Variants in ADGRV1 observed in about 807,000 individuals in gnomAD.
The protein encoded by ADGRV1 is G-protein coupled receptor 98.
A neutral mutation model predicts 596.2 loss-of-function variants in ADGRV1; 359 were observed. The observed-to-expected ratio is 0.60, with a 90% CI of 0.55 to 0.66. The LOEUF (loss-of-function observed/expected upper bound fraction) is 0.66, where lower values mean the gene tolerates loss of function less well. ADGRV1 is among the 30% of genes least tolerant of loss of function. ADGRV1 has a pLI of 0.00. For synonymous variants in ADGRV1, 2,681 were observed against 2,679.2 expected (o/e 1.00, Z -0.02); for missense variants, 7,274 against 7,575.6 (o/e 0.96, Z 1.48).
intron 86 of ADGRV1, among the ~76,000 whole-genome samples, chr5:91,095,722 T>G (rs982124566): frequency 2.6e-5 from 4 of 152,202 alleles, no homozygotes; most frequent in Admixed American, 2.6e-4. Context: ...TGTTTCAATC[T>G]ATCTTTCTAA....
At chr5:91,102,379 T>C (rs753406916) in intron 87 of ADGRV1, 39 bp downstream of exon 87, 1 of 1,530,580 alleles carries the variant, frequency 6.5e-7, no homozygotes, top group South Asian at 1.3e-5. Flanking sequence ...CATACATTTA[T>C]CTTAATGAAC....
chr5:90,961,672 A>G (rs940587349), intron 83 of ADGRV1, among the ~76,000 whole-genome samples: 7 of 152,116 alleles, frequency 4.6e-5, no homozygotes, highest in Non-Finnish European at 7.4e-5. Flanking sequence ...GCAAGCGGGG[A>G]CACATGCTGT....
rs949197799 is a variant in ADGRV1, at chr5:90,733,482, C to T, written c.10549+3718C>T. Reference sequence around the variant, plus strand: ...TGTACAAAGTAAATGATATTGATTGCGAAGACTAGAAGATTTAGCACAAAT... The same window carrying T: ...TGTACAAAGTAAATGATATTGATTGTGAAGACTAGAAGATTTAGCACAAAT... On this transcript the variant is annotated intron_variant, in intron 50 of 89. Coordinates refer to ENST00000405460, the MANE Select transcript of ADGRV1 (RefSeq NM_032119.4). Among the ~76,000 whole-genome samples the T allele has an allele frequency of 5.9e-5, 9 of 152,112 alleles. No individual in the cohort carries two copies. The South Asian group carries it at 6.2e-4, about 11-fold the overall frequency.
At chr5:90,863,349 A>G (rs1767785571) in intron 82 of ADGRV1, among the ~76,000 whole-genome samples, 1 of 152,246 alleles carries the variant, frequency 6.6e-6, no homozygotes, top group African/African-American at 2.4e-5. Flanking sequence ...AGTTTAAGTT[A>G]AAAGTCATTG....
rs375664526 is a variant in ADGRV1, at chr5:90,633,024, T to C, written c.1840-2090T>C. On this transcript the variant is annotated intron_variant, in intron 9 of 89. Coordinates refer to ENST00000405460, the MANE Select transcript of ADGRV1 (RefSeq NM_032119.4). ...TGAAACTAAAGAAAGCAGAATTCTT[T>C]AGTCGCTCCTCATTCTTTAGTAACC... 5.3e-5 allele frequency among the ~76,000 whole-genome samples: 8 copies of C among 152,324 alleles called. No homozygotes were observed. In the South Asian group the frequency reaches 1.7e-3, roughly 32 times the overall value.
Position 90,985,322 on chromosome 5 carries a change from T to A in ADGRV1, c.17974-22T>A, listed in dbSNP as rs746109871. ...TGCCATTAAAGAAGAGCCTGTTCAT[T>A]TTATGTTGTTTTCTTCCTTAGTCTG... On this transcript the variant is annotated intron_variant, in intron 84 of 89. Coordinates refer to ENST00000405460, the MANE Select transcript of ADGRV1 (RefSeq NM_032119.4). 5.8e-6 allele frequency: 9 copies of A among 1,563,938 alleles called. No individual in the cohort carries two copies. In the South Asian group the frequency reaches 1.1e-4, roughly 19 times the overall value.
intron 87 of ADGRV1, among the ~76,000 whole-genome samples, chr5:91,120,286 A>G: frequency 6.6e-6 from 1 of 152,116 alleles, no homozygotes. Context: ...AGATCTTCTG[A>G]TTTTTCTAGA....
At chr5:91,048,052 AGCCTCTTTTTCCCT>A (rs1785982936) in intron 85 of ADGRV1, among the ~76,000 whole-genome samples, 1 of 152,014 alleles carries the variant, frequency 6.6e-6, no homozygotes, top group Non-Finnish European at 1.5e-5. Context: ...GCGTGTGGTT[AGCCTCTTTTTCCCT>A]GCCTCTTTAC....
chr5:91,154,362 T>C (rs1178896873), intron 89 of ADGRV1, among the ~76,000 whole-genome samples: 3 of 152,260 alleles, frequency 2.0e-5, no homozygotes, highest in Non-Finnish European at 4.4e-5. Context: ...ATTGCTTTGC[T>C]AAAACATTTT....
At chr5:90,737,069 T>G (rs1252490196) in intron 50 of ADGRV1, among the ~76,000 whole-genome samples, 1 of 151,990 alleles carries the variant, frequency 6.6e-6, no homozygotes, top group East Asian at 1.9e-4. Context: ...ATTTTATTTC[T>G]TTTTCAATAC....
At chr5:90,642,551 G>T in intron 11 of ADGRV1, 85 bp from the exon 12 acceptor site, 1 of 1,399,906 alleles carries the variant, frequency 7.1e-7, no homozygotes, top group East Asian at 2.3e-5. Flanking sequence ...ATCTGGAAGA[G>T]TTGTAAATAT....
At chr5:90,668,494 A>G (rs920209697) in intron 21 of ADGRV1, among the ~76,000 whole-genome samples, 4 of 151,998 alleles carry the variant, frequency 2.6e-5, no homozygotes, top group African/African-American at 9.7e-5. Flanking sequence ...GCACCCACTG[A>G]CCTGCGCCCA....
chr5:90,848,112 A>T (rs1456312867), intron 78 of ADGRV1, among the ~76,000 whole-genome samples: 1 of 152,144 alleles, frequency 6.6e-6, no homozygotes, highest in Non-Finnish European at 1.5e-5. Context: ...GAAGGGTCAT[A>T]CTTACTGAAA....
intron 24 of ADGRV1, 61 bp downstream of exon 24, chr5:90,675,506 C>G (rs1773106213): frequency 7.1e-7 from 1 of 1,414,814 alleles, no homozygotes. Flanking sequence ...TAATCCTTCT[C>G]TGGAAGGGAT....
chr5:90,865,790 A>G (rs965090543), intron 83 of ADGRV1, among the ~76,000 whole-genome samples: 4 of 152,110 alleles, frequency 2.6e-5, no homozygotes, highest in African/African-American at 9.7e-5. Flanking sequence ...AAAAATTCTT[A>G]GACCCCCCAA....
At chr5:90,560,092 A>C (rs1754614678) in intron 1 of ADGRV1, among the ~76,000 whole-genome samples, 1 of 152,194 alleles carries the variant, frequency 6.6e-6, no homozygotes, top group Non-Finnish European at 1.5e-5. Context: ...ATATGTGATT[A>C]GGTATAATTT....
intron 83 of ADGRV1, among the ~76,000 whole-genome samples, chr5:90,875,800 A>C (rs557076809): frequency 6.6e-6 from 1 of 152,326 alleles, no homozygotes; most frequent in Non-Finnish European, 1.5e-5. Context: ...AAGTTTTCCT[A>C]AGTAATGTCT....
intron 49 of ADGRV1, 82 bp downstream of exon 49, chr5:90,729,015 C>A: frequency 3.1e-6 from 3 of 977,968 alleles, no homozygotes; most frequent in Non-Finnish European, 4.4e-6. Context: ...TATGAAAATG[C>A]TCTTGCAATA....
In ADGRV1 at chr5:90,815,641, C is replaced by T. The variant is rs1762822320; in HGVS notation, c.16101C>T (p.Ile5367=). 3.8e-6 allele frequency: 6 copies of T among 1,570,260 alleles called. No homozygotes were observed. The highest frequency in any genetic ancestry group is 1.4e-5 in the African/African-American group (1 of 73,966). ...CAGGGAGTGACCTTCACAATGGCAT[C>T]ATAGGATTCAGTGAGGAGTCCCAGA... The part of the protein sequence containing the change: ...IITGSDLHNG[I]IGFSEESQSG... The change falls in exon 75 of 90, where the codon ATC becomes ATT. Residue 5367 remains isoleucine (I), a synonymous_variant. Coordinates refer to ENST00000405460, the MANE Select transcript of ADGRV1 (RefSeq NM_032119.4).
Sources: gnomAD v4.1 joint callset for allele counts (sites outside exome capture counted in the v4.1 genomes callset) on GRCh38, gnomAD v4.1.1 for gene constraint, MANE v1.5 for transcripts, NCBI Gene and HGNC (gene_info 2026-07-23, HGNC 2026-07-21) for gene names.